The following SARM1 variants were observed in gnomAD, a reference collection of about 807,000 sequenced individuals.
The protein encoded by SARM1 is sterile alpha and TIR motif containing 1, also known as NAD(+) hydrolase SARM1.
Under a neutral mutation model 65.1 loss-of-function variants are expected in SARM1, and 60 were observed. The ratio of observed to expected loss-of-function variants is 0.92; its 90% CI spans 0.75 to 1.14. SARM1 has a LOEUF of 1.14. Ranked by LOEUF, SARM1 falls within the 50% of genes most tolerant of loss-of-function variation. SARM1 has a pLI of 0.00. For missense variants in SARM1, 913 were observed against 1,015.7 expected (o/e 0.90, Z 1.37); for synonymous variants, 417 against 465.4 (o/e 0.90, Z 1.34).
chr17:28,387,015 G>T (rs545344217), intron 5 of SARM1, among the ~76,000 whole-genome samples: 1 of 152,026 alleles, frequency 6.6e-6, no homozygotes, highest in African/African-American at 2.4e-5. Flanking sequence ...TTGAGATTAC[G>T]GGCGTGGGCC....
intron 1 of SARM1, among the ~76,000 whole-genome samples, chr17:28,379,819 C>T (rs1461388708): frequency 1.3e-5 from 2 of 152,182 alleles, no homozygotes; most frequent in South Asian, 2.1e-4. Flanking sequence ...AACCATGAAG[C>T]GGATTTTGTT....
chr17:28,387,686 CA>C (rs1315951558), intron 5 of SARM1, among the ~76,000 whole-genome samples: 1 of 152,212 alleles, frequency 6.6e-6, no homozygotes, highest in African/African-American at 2.4e-5. Context: ...TCCAGAGGAG[CA>C]GAGTGCTGTC....
rs1369934181 is a variant in SARM1 at position 28,402,138 on chromosome 17, G to C, written c.*5852G>C. The C allele has an allele frequency of 3.0e-6, 3 of 1,012,336 alleles. No homozygotes were observed. The highest frequency in any genetic ancestry group is 2.4e-5 in the Admixed American group (1 of 41,552). 62.7% of individuals were successfully genotyped at this position (1,012,336 alleles called of 1,614,324 possible). A position where few individuals can be genotyped will look rare whatever the true frequency, so the allele number is the denominator to read the frequency against. On this transcript the variant is annotated 3_prime_UTR_variant, in exon 9 of 9. Transcript: ENST00000585482. ...GCCACTTACTTCTCCAGGGTGAGAGGGGGGAAGGCAAGCTGTTCCCCCAGC... is the reference window on the plus strand; with the variant it reads ...GCCACTTACTTCTCCAGGGTGAGAGCGGGGAAGGCAAGCTGTTCCCCCAGC...
chr17:28,383,058 C>T (rs998708667), intron 2 of SARM1, among the ~76,000 whole-genome samples: 11 of 152,152 alleles, frequency 7.2e-5, no homozygotes, highest in African/African-American at 2.4e-4. Context: ...TGTCACCCAT[C>T]ATGTATGTCC....
chr17:28,380,374 T>A (rs2068015506), intron 1 of SARM1, among the ~76,000 whole-genome samples: 1 of 152,226 alleles, frequency 6.6e-6, no homozygotes, highest in Non-Finnish European at 1.5e-5. Context: ...ACACAGGGAT[T>A]TCTTCACATT....
rs1008356391 is a variant in SARM1, at chr17:28,402,354, G to C, written c.*6068G>C. ...GAAACAAACACTCATCAGGAAAATG[G>C]GGCTGGGGAGAGGGGCGTCCAAGGG... On this transcript the variant is annotated 3_prime_UTR_variant, in exon 9 of 9. Transcript: ENST00000585482. 2.5e-6 allele frequency: 4 copies of C among 1,591,206 alleles called. No homozygotes were observed. Among genetic ancestry groups the C allele is most frequent in the Non-Finnish European group, 3.4e-6 (4 of 1,163,596 alleles).
rs1555585318 is a variant in SARM1, at chr17:28,381,703, C to T, written c.971C>T (p.Pro324Leu). The change falls in exon 2 of 9, where the codon CCC becomes CTC. Residue 324 changes from proline to leucine, a missense_variant. Around this residue, in one of 3 missense-constraint regions of SARM1, gnomAD observed 862 missense variants for 952.1 expected, o/e 0.91. Transcript: ENST00000585482. Reference protein sequence around the residue: ...DASDTSQGRGPDDLQRLVPLL... With the variant: ...DASDTSQGRGLDDLQRLVPLL... The stretch of plus-strand genomic sequence containing the variant: ...AGCGACACAAGCCAGGGCCGCGGGC[C>T]CGACGACCTGCAGCGCCTCGTGCCG... The T allele has an allele frequency of 6.4e-7, 1 of 1,559,728 alleles. No individual in the cohort carries two copies. The highest frequency in any genetic ancestry group is 8.7e-7 in the Non-Finnish European group (1 of 1,153,158).
Position 28,384,848 on chromosome 17 carries a change from G to A in SARM1, c.1312G>A (p.Val438Met), listed in dbSNP as rs2068042095. 6.4e-7 allele frequency: 1 copy of A among 1,553,658 alleles called. No individual in the cohort carries two copies. The highest frequency in any genetic ancestry group is 2.0e-5 in the Admixed American group (1 of 51,244). Residue 438 changes from valine to methionine, a missense_variant, in exon 4 of 9, where the codon GTG (valine) becomes ATG (methionine). Coordinates refer to ENST00000585482, the MANE Select transcript of SARM1 (RefSeq NM_015077.4). This position sits in a 1 kb window ranked among gnomAD's most constrained non-coding sequence, Gnocchi z 4.4. ...KYCESFREQQ[V>M]DGDLLLRLTE... ...CCGACTCCTCCCCCAGGAGCAGCAGGTGGATGGCGACCTGCTTCTGCGGCT... is the reference window on the plus strand; with the variant it reads ...CCGACTCCTCCCCCAGGAGCAGCAGATGGATGGCGACCTGCTTCTGCGGCT...
At chr17:28,376,403 C>CAAAAAAAA (rs58695374) in intron 1 of SARM1, among the ~76,000 whole-genome samples, 26 of 84,004 alleles carry the variant, frequency 3.1e-4, no homozygotes, top group African/African-American at 4.6e-4. Flanking sequence ...ACTAAAAATA[C>CAAAAAAAA]AAAAAAAAAA....
rs2068173812 is a variant in SARM1, at chr17:28,399,753, G to A, written c.*3467G>A. On this transcript the variant is annotated 3_prime_UTR_variant, in exon 9 of 9. Coordinates refer to ENST00000585482, the MANE Select transcript of SARM1 (RefSeq NM_015077.4). ...AGAGAGAGTTTGGATTTCATGTGGG[G>A]AACCCTCAAGGCCTGTCTGGAGAAG... 1 of 1,607,936 alleles carries A rather than the reference G, an allele frequency of 6.2e-7. No individual in the cohort carries two copies.
In SARM1 at chr17:28,385,509, C is replaced by A; in HGVS notation, c.1630+234C>A. 1 of 544,234 alleles carries A rather than the reference C, an allele frequency of 1.8e-6. No homozygotes were observed. Among genetic ancestry groups the A allele is most frequent in the Non-Finnish European group, 3.2e-6 (1 of 310,556 alleles). The allele number at this position is 544,234 out of a possible 1,614,324, so 33.7% of individuals were successfully genotyped here. ...GGAAGGAGGCTATTAAACAGGCAAG[C>A]GGCCCCGGCAGGAAGCTACCCAGGT... On this transcript the variant is annotated intron_variant, in intron 5 of 8. Coordinates refer to ENST00000585482, the MANE Select transcript of SARM1 (RefSeq NM_015077.4). This position sits in a 1 kb window ranked among gnomAD's most constrained non-coding sequence, Gnocchi z 4.5.
In SARM1 at chr17:28,376,403, C is replaced by CAAAAAA. The variant is rs58695374; in HGVS notation, c.470+3917_470+3922dup. Among the ~76,000 whole-genome samples the CAAAAAA allele has an allele frequency of 1.7e-3, 144 of 83,986 alleles. 3 individuals carry two copies. Among genetic ancestry groups the CAAAAAA allele is most frequent in the African/African-American group, 5.6e-3 (121 of 21,726 alleles). The allele number at this position is 83,986 out of a possible 152,430, so 55.1% of individuals were successfully genotyped here. A position where few individuals can be genotyped will look rare whatever the true frequency, so the allele number is the denominator to read the frequency against. On this transcript the variant is annotated intron_variant, in intron 1 of 8. Coordinates refer to ENST00000585482, the MANE Select transcript of SARM1 (RefSeq NM_015077.4). ...TAAAACTCTGTCTCTACTAAAAATA[C>CAAAAAA]AAAAAAAAAAAAAAAAAAAAAGAGC... is the stretch of plus-strand genomic sequence containing the variant.
chr17:28,390,776 G>A (rs2068075844), intron 7 of SARM1, among the ~76,000 whole-genome samples: 1 of 152,118 alleles, frequency 6.6e-6, no homozygotes, highest in Non-Finnish European at 1.5e-5. Flanking sequence ...TTAAGAATCT[G>A]GGTAAGTGGA....
At position 28,372,536 on chromosome 17, in the gene SARM1, G is replaced by C; in HGVS notation, c.470+34G>C. On this transcript the variant is annotated intron_variant, in intron 1 of 8. Coordinates refer to ENST00000585482, the MANE Select transcript of SARM1 (RefSeq NM_015077.4). The surrounding 1 kb of genome is among the most constrained non-coding windows in gnomAD (Gnocchi z 5.2). ...GCCAGGCCGGGGTTGGGAGAGCGCC[G>C]CGTGGTGTGGACAGTTAAGCGCCTG... 6 of 1,480,706 alleles carry C rather than the reference G, an allele frequency of 4.1e-6. No individual in the cohort carries two copies. Among genetic ancestry groups the C allele is most frequent in the Non-Finnish European group, 5.4e-6 (6 of 1,114,514 alleles). The allele number at this position is 1,480,706 out of a possible 1,614,324, so 91.7% of individuals were successfully genotyped here.
Position 28,381,450 on chromosome 17 carries a change from G to A in SARM1, c.718G>A (p.Ala240Thr), listed in dbSNP as rs1555585238. Residue 240 changes from alanine (A) to threonine (T), a missense_variant, in exon 2 of 9, where the codon GCG becomes ACG. This residue lies in a region of SARM1 where 862 missense variants were observed against 952.1 expected (regional missense o/e 0.91). Coordinates refer to ENST00000585482, the MANE Select transcript of SARM1 (RefSeq NM_015077.4). ...CAACTGCGCGCTGCACGGGGGCCAG[G>A]CGGTGCAGCGACGCATGGTAGAGAA... ...LGNCALHGGQAVQRRMVEKRA... is the reference protein window; with the variant it reads ...LGNCALHGGQTVQRRMVEKRA... 1.9e-6 allele frequency: 3 copies of A among 1,548,162 alleles called. No homozygotes were observed. The African/African-American group carries it at 4.1e-5, about 21-fold the overall frequency.
chr17:28,387,902 G>GTTCA lies in SARM1; in HGVS notation c.1631-271_1631-268dup, dbSNP rs1402600157. The GTTCA allele has an allele frequency of 1.7e-5, 8 of 470,654 alleles. No individual in the cohort carries two copies. In the Admixed American group the frequency reaches 2.8e-4, roughly 16 times the overall value. The allele number at this position is 470,654 out of a possible 1,614,324, so 29.2% of individuals were successfully genotyped here. On this transcript the variant is annotated intron_variant, in intron 5 of 8. Transcript: ENST00000585482. ...TTGGAGTGATTGTGGGCAGCTGGCTGTTCAGGTCTGGAGTTCCAGAGAGAG... is the reference window on the plus strand; with the variant it reads ...TTGGAGTGATTGTGGGCAGCTGGCTGTTCATTCAGGTCTGGAGTTCCAGAGAGAG...
At position 28,399,583 on chromosome 17, in the gene SARM1, T is replaced by G. The variant is rs2068170829; in HGVS notation, c.*3297T>G. 3 of 1,517,286 alleles carry G rather than the reference T, an allele frequency of 2.0e-6. No homozygotes were observed. The highest frequency in any genetic ancestry group is 2.7e-5 in the African/African-American group (2 of 72,984). The allele number at this position is 1,517,286 out of a possible 1,614,324, so 94.0% of individuals were successfully genotyped here. The stretch of plus-strand genomic sequence containing the variant: ...TTGCTTGTCCTGCTGTGGGCTGGGC[T>G]TCCAGCTGCAGACCTCCAGTTGCTT... On this transcript the variant is annotated 3_prime_UTR_variant, in exon 9 of 9. Transcript: ENST00000585482.
At position 28,371,695 on chromosome 17, in the gene SARM1, T is replaced by G; in HGVS notation, c.-338T>G. The stretch of plus-strand genomic sequence containing the variant: ...TCCGGGGCGTGGCTGCTGCCGAGCA[T>G]CTCCCAGCTCAGCCGAGCCCGTGCC... On this transcript the variant is annotated 5_prime_UTR_variant, in exon 1 of 9. Coordinates refer to ENST00000585482, the MANE Select transcript of SARM1 (RefSeq NM_015077.4). 4.7e-6 allele frequency: 1 copy of G among 212,648 alleles called. No homozygotes were observed. The highest frequency in any genetic ancestry group is 9.5e-5 in the East Asian group (1 of 10,506). The allele number at this position is 212,648 out of a possible 1,614,324, so 13.2% of individuals were successfully genotyped here. A position where few individuals can be genotyped will look rare whatever the true frequency, so the allele number is the denominator to read the frequency against.
chr17:28,384,527 G>T lies in SARM1; in HGVS notation c.1260G>T (p.Trp420Cys). ...GGAAGGAGGCCGAGGTTCAGACGTG[G>T]CTGCAGCAGATCGGTTTCTCCAAGT... is the stretch of plus-strand genomic sequence containing the variant. Reference protein sequence around the residue: ...PSWKEAEVQTWLQQIGFSKYC... With the variant: ...PSWKEAEVQTCLQQIGFSKYC... The change falls in exon 3 of 9, where the codon TGG becomes TGT. Residue 420 changes from tryptophan (W) to cysteine (C), a missense_variant. Physicochemically the swap from Trp to Cys is radical, Grantham distance 215. Coordinates refer to ENST00000585482, the MANE Select transcript of SARM1 (RefSeq NM_015077.4). The surrounding 1 kb of genome is among the most constrained non-coding windows in gnomAD (Gnocchi z 4.4). The T allele has an allele frequency of 1.2e-6, 2 of 1,612,814 alleles. No homozygotes were observed. The highest frequency in any genetic ancestry group is 8.5e-7 in the Non-Finnish European group (1 of 1,179,496).
Sources: gnomAD v4.1 joint callset for allele counts (sites outside exome capture counted in the v4.1 genomes callset) on GRCh38, gnomAD v4.1.1 for gene constraint, gnomAD v4.1.1 regional missense constraint, Gnocchi (gnomAD v3.1) non-coding constraint, MANE v1.5 for transcripts, NCBI Gene and HGNC (gene_info 2026-07-23, HGNC 2026-07-21) for gene names.